CLCN5: variants seen among roughly 807,000 people sequenced by gnomAD.
CLCN5 encodes H(+)/Cl(-) exchange transporter 5.
Under a neutral mutation model 54.0 loss-of-function variants are expected in CLCN5, and 17 were observed. That is an observed-to-expected ratio of 0.31 (90% confidence interval 0.22 to 0.47). The LOEUF is 0.47. Among genes scored for constraint, CLCN5 ranks in the 20% least tolerant of loss-of-function variants. The probability of loss-of-function intolerance (pLI) is 1.00; values close to 1 mark genes in which losing one functional copy is unlikely to be tolerated. For missense variants in CLCN5, 448 were observed against 646.7 expected (o/e 0.69, Z 3.33); for synonymous variants, 222 against 233.0 (o/e 0.95, Z 0.43).
At chrX:50,042,034 T>C (rs1255691068) in intron 3 of CLCN5, among the ~76,000 whole-genome samples, 1 of 112,273 alleles carries the variant, frequency 8.9e-6, no homozygotes, top group African/African-American at 3.2e-5. Context: ...TATTGTGTGA[T>C]TTCATTTATA....
chrX:50,052,415 A>T (rs1557188476), intron 4 of CLCN5, among the ~76,000 whole-genome samples: 4 of 111,900 alleles, frequency 3.6e-5, no homozygotes. Context: ...GAGATAACTG[A>T]TATTATGCAA....
At chrX:50,021,288 G>T (rs1213234617) in intron 3 of CLCN5, among the ~76,000 whole-genome samples, 1 of 84,489 alleles carries the variant, frequency 1.2e-5, no homozygotes, top group Non-Finnish European at 2.1e-5. Context: ...TCTGTTGTTG[G>T]TGTATAAGAA....
chrX:50,003,036 AT>A lies in CLCN5; in HGVS notation c.17-39279del. 9 of 274,171 alleles carry A rather than the reference AT, an allele frequency of 3.3e-5. No individual in the cohort carries two copies. In the South Asian group the frequency reaches 3.3e-4, roughly 10 times the overall value. 22.6% of individuals were successfully genotyped at this position (274,171 alleles called of 1,213,427 possible). ...ATAGTGAACATTTCTGAAGGTACAT[AT>A]GTGAATGTACACAAGCACACCTTCT... On this transcript the variant is annotated intron_variant, in intron 3 of 14. Coordinates refer to ENST00000376091, the MANE Select transcript of CLCN5 (RefSeq NM_001127898.4).
chrX:50,009,088 T>C, intron 3 of CLCN5: 2 of 308,284 alleles, frequency 6.5e-6, no homozygotes, highest in South Asian at 6.3e-5. Flanking sequence ...TTTCACATGT[T>C]TGTGTTTGCT....
At chrX:50,080,882 G>C (rs782288269) in intron 8 of CLCN5, among the ~76,000 whole-genome samples, 166 bp downstream of exon 8, 1 of 111,227 alleles carries the variant, frequency 9.0e-6, no homozygotes, top group East Asian at 2.8e-4. Flanking sequence ...TCTCAGCCTG[G>C]GCTACCAGGA....
intron 3 of CLCN5, among the ~76,000 whole-genome samples, chrX:50,029,461 G>A (rs1046197807): frequency 9.9e-5 from 11 of 110,707 alleles, no homozygotes; most frequent in Non-Finnish European, 1.9e-4. Context: ...CTTCATCCAT[G>A]TCCCTACAAA....
chrX:50,027,305 A>G (rs1256013020), intron 3 of CLCN5, among the ~76,000 whole-genome samples: 2 of 111,386 alleles, frequency 1.8e-5, no homozygotes, highest in Non-Finnish European at 3.8e-5. Flanking sequence ...TGAGCAACCA[A>G]CCACGCCTGG....
At chrX:50,077,530 C>T (rs190228433) in intron 7 of CLCN5, among the ~76,000 whole-genome samples, 40 of 106,574 alleles carry the variant, frequency 3.8e-4, no homozygotes, top group African/African-American at 1.3e-3. Context: ...TGTTTACTCT[C>T]TCCTAGATTA....
intron 3 of CLCN5, among the ~76,000 whole-genome samples, chrX:49,941,633 C>T (rs1292086030): frequency 9.0e-6 from 1 of 110,996 alleles, no homozygotes; most frequent in African/African-American, 3.3e-5. Context: ...CTTTCTGCCT[C>T]GTTCTCTAGA....
intron 4 of CLCN5, among the ~76,000 whole-genome samples, chrX:50,060,135 A>T (rs1334110734): frequency 1.8e-5 from 2 of 109,105 alleles, no homozygotes; most frequent in Non-Finnish European, 3.8e-5. Context: ...ATGGAATAAG[A>T]CAGTCACGGG....
intron 4 of CLCN5, among the ~76,000 whole-genome samples, chrX:50,059,291 TATG>T (rs1490566643): frequency 1.8e-5 from 2 of 111,850 alleles, no homozygotes; most frequent in Non-Finnish European, 1.9e-5. Context: ...ATTCTAAAAA[TATG>T]ATGAATATTT....
chrX:50,090,532 G>C lies in CLCN5; in HGVS notation c.2143+18G>C, dbSNP rs782544907. On this transcript the variant is annotated intron_variant, in intron 13 of 14. Coordinates refer to ENST00000376091, the MANE Select transcript of CLCN5 (RefSeq NM_001127898.4). The stretch of plus-strand genomic sequence containing the variant: ...TTCAATTGGTAAGGATTTCAGAAAG[G>C]GGATAGTGGAATCCACTGTGGAACT... 2.5e-6 allele frequency: 3 copies of C among 1,196,633 alleles called. No individual in the cohort carries two copies. In the Admixed American group the frequency reaches 6.7e-5, roughly 27 times the overall value.
At chrX:49,927,293 A>G (rs1340939976) in intron 3 of CLCN5, among the ~76,000 whole-genome samples, 1 of 112,442 alleles carries the variant, frequency 8.9e-6, no homozygotes, top group African/African-American at 3.2e-5. Flanking sequence ...TCAAAATGTC[A>G]TATTTTCATA....
At chrX:50,079,974 A>C (rs1001967707) in intron 7 of CLCN5, among the ~76,000 whole-genome samples, 12 of 111,885 alleles carry the variant, frequency 1.1e-4, no homozygotes, top group Admixed American at 1.0e-3. Context: ...GGTGATATGC[A>C]TGTAAGTTTA....
intron 3 of CLCN5, chrX:50,009,805 C>T: frequency 5.2e-6 from 2 of 386,004 alleles, no homozygotes; most frequent in Non-Finnish European, 1.0e-5. Context: ...AGAGGGTGAG[C>T]CCCCTCTGCG....
intron 3 of CLCN5, among the ~76,000 whole-genome samples, chrX:49,982,597 A>G (rs1487633841): frequency 1.8e-5 from 2 of 111,871 alleles, no homozygotes; most frequent in East Asian, 2.8e-4. Context: ...CTTAAGAGGT[A>G]CGGCTCTAGA....
chrX:49,973,587 C>T (rs1283026279), intron 3 of CLCN5, among the ~76,000 whole-genome samples: 1 of 108,500 alleles, frequency 9.2e-6, no homozygotes, highest in Non-Finnish European at 1.9e-5. Flanking sequence ...TTATACAACC[C>T]ACCCATTTAA....
intron 3 of CLCN5, among the ~76,000 whole-genome samples, chrX:49,996,851 T>C (rs1442174526): frequency 4.5e-5 from 5 of 112,045 alleles, no homozygotes; most frequent in African/African-American, 1.6e-4. Flanking sequence ...CTCTTCTCTC[T>C]GTCAGAACTC....
At chrX:50,091,281 T>C (rs185394091) in intron 14 of CLCN5, among the ~76,000 whole-genome samples, 1 of 111,796 alleles carries the variant, frequency 8.9e-6, no homozygotes, top group Non-Finnish European at 1.9e-5. Context: ...TGAGGTGAGA[T>C]TTATACAAAG....
Sources: allele counts gnomAD v4.1 joint callset (sites outside exome capture counted in the v4.1 genomes callset), GRCh38; gene constraint gnomAD v4.1.1; transcripts MANE v1.5; gene names NCBI Gene and HGNC (gene_info 2026-07-23, HGNC 2026-07-21).